MAN2A1: variants seen among roughly 807,000 people sequenced by gnomAD.
The protein encoded by MAN2A1 is alpha-mannosidase 2.
Under a neutral mutation model 142.6 loss-of-function variants are expected in MAN2A1, and 76 were observed. The ratio of observed to expected loss-of-function variants is 0.53; its 90% CI spans 0.44 to 0.65. The LOEUF (loss-of-function observed/expected upper bound fraction) is 0.65. Ranked by LOEUF, MAN2A1 falls within the 30% of genes least tolerant of loss-of-function variation. The probability of loss-of-function intolerance (pLI) is 0.00; values close to 1 mark genes in which losing one functional copy is unlikely to be tolerated. For missense variants in MAN2A1, 1,311 were observed against 1,365.1 expected (o/e 0.96, Z 0.62); for synonymous variants, 559 against 473.2 (o/e 1.18, Z -2.35).
intron 20 of MAN2A1, among the ~76,000 whole-genome samples, chr5:109,860,297 T>C (rs1049314398): frequency 6.6e-6 from 1 of 152,202 alleles, no homozygotes; most frequent in African/African-American, 2.4e-5. Context: ...ATAGCTATTA[T>C]TGGACATTTT....
intron 5 of MAN2A1, among the ~76,000 whole-genome samples, chr5:109,760,664 C>T (rs998718236): frequency 1.2e-4 from 18 of 152,210 alleles, no homozygotes; most frequent in African/African-American, 3.4e-4. Context: ...TTTTAATGAT[C>T]GCTTTTCTAA....
chr5:109,865,496 G>T, intron 21 of MAN2A1: 1 of 237,252 alleles, frequency 4.2e-6, no homozygotes, highest in Non-Finnish European at 8.4e-6. Context: ...TTCAGCATTG[G>T]TAAACCTAAG....
intron 3 of MAN2A1, among the ~76,000 whole-genome samples, chr5:109,718,284 A>G (rs1282416854): frequency 6.6e-6 from 1 of 152,076 alleles, no homozygotes; most frequent in East Asian, 1.9e-4. Flanking sequence ...AAAGACCTTT[A>G]TTCTTTTCCT....
chr5:109,738,197 G>A (rs2112600444), intron 4 of MAN2A1, among the ~76,000 whole-genome samples: 1 of 146,202 alleles, frequency 6.8e-6, no homozygotes. Context: ...TTTTGCTACT[G>A]TTCCCCTATC....
At chr5:109,776,113 TAAG>T (rs1753285049) in intron 8 of MAN2A1, among the ~76,000 whole-genome samples, 1 of 151,230 alleles carries the variant, frequency 6.6e-6, no homozygotes, top group Admixed American at 6.6e-5. Context: ...AGACTCTACA[TAAG>T]AAGATTAATT....
intron 20 of MAN2A1, among the ~76,000 whole-genome samples, chr5:109,857,083 AG>A (rs1460676230): frequency 2.0e-5 from 3 of 152,202 alleles, no homozygotes; most frequent in African/African-American, 7.2e-5. Context: ...AATCTGAAGA[AG>A]GTCAGAGAAT....
At chr5:109,728,800 C>T (rs559023542) in intron 3 of MAN2A1, among the ~76,000 whole-genome samples, 22 of 152,128 alleles carry the variant, frequency 1.4e-4, no homozygotes, top group Non-Finnish European at 2.6e-4. Flanking sequence ...AATTCTACCT[C>T]TCAGTGTTCA....
intron 1 of MAN2A1, among the ~76,000 whole-genome samples, chr5:109,710,747 A>G (rs1042517357): frequency 6.6e-6 from 1 of 151,758 alleles, no homozygotes; most frequent in African/African-American, 2.4e-5. Flanking sequence ...CTGGGGTGCA[A>G]TGGTGCGATC....
chr5:109,768,707 G>GT (rs1561502280), intron 6 of MAN2A1, among the ~76,000 whole-genome samples: 2 of 152,000 alleles, frequency 1.3e-5, no homozygotes, highest in African/African-American at 2.4e-5. Context: ...ATGTACTCCT[G>GT]TTTTTTTCAG....
chr5:109,802,946 T>C (rs1156917992), intron 12 of MAN2A1, among the ~76,000 whole-genome samples: 1 of 152,060 alleles, frequency 6.6e-6, no homozygotes. Context: ...CCTAATACAA[T>C]ATAATTAAAT....
chr5:109,814,259 A>G (rs1754394968), intron 12 of MAN2A1, among the ~76,000 whole-genome samples: 1 of 152,222 alleles, frequency 6.6e-6, no homozygotes, highest in South Asian at 2.1e-4. Context: ...GTATGATATT[A>G]TGATATACTG....
intron 7 of MAN2A1, among the ~76,000 whole-genome samples, chr5:109,772,515 C>T (rs1753176212): frequency 6.6e-6 from 1 of 152,088 alleles, no homozygotes. Context: ...CTTTCAAGCT[C>T]CCCACTTTTT....
chr5:109,755,712 AATTGTAT>A (rs1752670872), intron 5 of MAN2A1, among the ~76,000 whole-genome samples: 1 of 151,012 alleles, frequency 6.6e-6, no homozygotes, highest in African/African-American at 2.5e-5. Context: ...GGATTATTTT[AATTGTAT>A]GTTAAGACTT....
intron 1 of MAN2A1, among the ~76,000 whole-genome samples, chr5:109,711,657 T>C (rs990184268): frequency 5.3e-5 from 8 of 152,232 alleles, no homozygotes; most frequent in Non-Finnish European, 8.8e-5. Flanking sequence ...ATTTGAGCCC[T>C]GAACTAGTGT....
chr5:109,732,228 ATTTG>A (rs1272426072), intron 4 of MAN2A1, among the ~76,000 whole-genome samples: 1 of 149,710 alleles, frequency 6.7e-6, no homozygotes. Flanking sequence ...TTTCTTGTAA[ATTTG>A]TTTGAGTTCA....
rs868331522 is a variant in MAN2A1, at chr5:109,855,422, T to C, written c.3171+88T>C. The stretch of plus-strand genomic sequence containing the variant: ...AAGGAAAGGAGAAAAAAATAATGTA[T>C]GCTTTACTATGCTTTGAGGAATTAT... On this transcript the variant is annotated intron_variant, in intron 20 of 21. Transcript: ENST00000261483. 1.6e-4 allele frequency: 119 copies of C among 759,826 alleles called. 3 individuals are homozygous for C. In the South Asian group the frequency reaches 3.2e-3, roughly 21 times the overall value. 47.1% of individuals were successfully genotyped at this position (759,826 alleles called of 1,614,324 possible). A position where few individuals can be genotyped will look rare whatever the true frequency, so the allele number is the denominator to read the frequency against.
chr5:109,762,731 A>G (rs956897106), intron 5 of MAN2A1, among the ~76,000 whole-genome samples: 3 of 152,168 alleles, frequency 2.0e-5, no homozygotes, highest in African/African-American at 7.2e-5. Flanking sequence ...GAGGTATCTC[A>G]CTACTTCACT....
chr5:109,774,629 C>G (rs1191739959), intron 7 of MAN2A1, among the ~76,000 whole-genome samples, 159 bp from the exon 8 acceptor site: 1 of 151,902 alleles, frequency 6.6e-6, no homozygotes, highest in Non-Finnish European at 1.5e-5. Flanking sequence ...AAAAATCTGT[C>G]TTTAAATTAT....
At chr5:109,854,780 A>G (rs1355026481) in intron 19 of MAN2A1, 1 of 165,182 alleles carries the variant, frequency 6.1e-6, no homozygotes, top group Non-Finnish European at 1.3e-5. Context: ...GATGCACAAC[A>G]TATAATCTAT....
Sources: gnomAD v4.1 joint callset for allele counts (sites outside exome capture counted in the v4.1 genomes callset) on GRCh38, gnomAD v4.1.1 for gene constraint, MANE v1.5 for transcripts, NCBI Gene and HGNC (gene_info 2026-07-23, HGNC 2026-07-21) for gene names.